The following CCDC63 variants were observed in gnomAD, a reference collection of about 807,000 sequenced individuals.
CCDC63 encodes the protein coiled-coil domain containing 63, also known as coiled-coil domain-containing protein 63.
A neutral mutation model predicts 63.6 loss-of-function variants in CCDC63; 54 were observed. The ratio of observed to expected loss-of-function variants is 0.85; its 90% CI spans 0.68 to 1.07. The LOEUF (loss-of-function observed/expected upper bound fraction) is 1.07. Among genes scored for constraint, CCDC63 ranks in the 50% least tolerant of loss-of-function variants. The probability of loss-of-function intolerance (pLI) is 0.00; values close to 1 mark genes in which losing one functional copy is unlikely to be tolerated. For synonymous variants in CCDC63, 253 were observed against 266.1 expected (o/e 0.95, Z 0.48); for missense variants, 637 against 689.6 (o/e 0.92, Z 0.86).
At chr12:110,883,106 C>T (rs61940992) in intron 7 of CCDC63, among the ~76,000 whole-genome samples, 1,601 of 150,984 alleles carry the variant, frequency 0.011, 12 homozygotes, top group Non-Finnish European at 0.014. Flanking sequence ...GGCGCAATCT[C>T]GGCTCACTGC....
chr12:110,893,229 T>C, intron 9 of CCDC63, 79 bp downstream of exon 9: 2 of 1,197,942 alleles, frequency 1.7e-6, no homozygotes, highest in South Asian at 2.6e-5. Flanking sequence ...TCTGTCTGTC[T>C]GTCCGTCGGG....
chr12:110,869,520 A>C (rs1032630047), intron 4 of CCDC63, among the ~76,000 whole-genome samples: 1 of 152,180 alleles, frequency 6.6e-6, no homozygotes, highest in Non-Finnish European at 1.5e-5. Flanking sequence ...GGGACTTAGC[A>C]TTAGCCGTCT....
At chr12:110,899,226 C>T in intron 10 of CCDC63, 101 bp downstream of exon 10, 1 of 1,098,572 alleles carries the variant, frequency 9.1e-7, no homozygotes, top group Non-Finnish European at 1.3e-6. Flanking sequence ...AGCTTTGTGG[C>T]AAAGTGTGTG....
chr12:110,900,226 A>AAAT (rs1004749940), intron 10 of CCDC63, among the ~76,000 whole-genome samples: 3 of 151,954 alleles, frequency 2.0e-5, no homozygotes, highest in African/African-American at 7.3e-5. Context: ...CAAACCAAAA[A>AAAT]AATAATAATA....
At chr12:110,895,792 CTAT>C (rs1315227053) in intron 9 of CCDC63, among the ~76,000 whole-genome samples, 1 of 152,176 alleles carries the variant, frequency 6.6e-6, no homozygotes. Context: ...TACATTGTAG[CTAT>C]TATTATTGTT....
chr12:110,867,375 A>G (rs2070977199), intron 4 of CCDC63, among the ~76,000 whole-genome samples: 1 of 118,304 alleles, frequency 8.5e-6, no homozygotes, highest in African/African-American at 3.4e-5. Context: ...TCCCTCCCGG[A>G]CAGGGCGGCT....
At chr12:110,856,087 C>CTTTTTTTTT (rs540538418) in intron 3 of CCDC63, among the ~76,000 whole-genome samples, 1 of 130,370 alleles carries the variant, frequency 7.7e-6, no homozygotes. Context: ...TTTTTTTTTT[C>CTTTTTTTTT]TTTTTTTTTT....
chr12:110,875,152 G>C (rs2071114363), intron 5 of CCDC63, among the ~76,000 whole-genome samples: 1 of 152,184 alleles, frequency 6.6e-6, no homozygotes. Flanking sequence ...GGACTGGGCA[G>C]TGTCTTTTTA....
chr12:110,850,612 A>G (rs1399423428), intron 1 of CCDC63, among the ~76,000 whole-genome samples: 1 of 152,152 alleles, frequency 6.6e-6, no homozygotes, highest in African/African-American at 2.4e-5. Context: ...ATGGTGGTGC[A>G]TGCCTGTAAT....
intron 8 of CCDC63, among the ~76,000 whole-genome samples, chr12:110,887,723 T>TA (rs1315362746): frequency 6.6e-6 from 1 of 151,666 alleles, no homozygotes. Context: ...ACTAGCCTCC[T>TA]GAGTTGCTGG....
At chr12:110,854,918 C>T (rs1157487105) in intron 3 of CCDC63, among the ~76,000 whole-genome samples, 1 of 152,144 alleles carries the variant, frequency 6.6e-6, no homozygotes, top group African/African-American at 2.4e-5. Context: ...CCGACCTCAG[C>T]CTTCTGAGTA....
At position 110,874,006 on chromosome 12, in the gene CCDC63, G is replaced by A. The variant is rs765343853; in HGVS notation, c.489+45G>A. On this transcript the variant is annotated intron_variant, in intron 5 of 11. Coordinates refer to ENST00000308208, the MANE Select transcript of CCDC63 (RefSeq NM_152591.3). ...CAGCTCTGCAAACAGCTCTGCCCAC[G>A]TTTGCTCAGAACAAAAATGATGTCT... The A allele has an allele frequency of 5.7e-6, 9 of 1,573,680 alleles. No individual in the cohort carries two copies. The South Asian group carries it at 7.0e-5, about 12-fold the overall frequency.
rs114761668 is a variant in CCDC63, at chr12:110,853,432, G to A, written c.37G>A (p.Asp13Asn). The A allele has an allele frequency of 2.7e-4, 435 of 1,612,748 alleles. 4 individuals are homozygous for A. The East Asian group carries it at 6.0e-3, about 22-fold the overall frequency. The change falls in exon 3 of 12, where the codon GAC (aspartate) becomes AAC (asparagine). Residue 13 changes from aspartate (D) to asparagine (N), a missense_variant. Asp to Asn is a conservative substitution (Grantham distance 23). Coordinates refer to ENST00000308208, the MANE Select transcript of CCDC63 (RefSeq NM_152591.3). ...GAAGAAGAACAGGAGAAAAGACTCC[G>A]ACACTCCCCAGGAACCTTCGGAGAA... is the stretch of plus-strand genomic sequence containing the variant. ...VLKKNRRKDS[D>N]TPQEPSEKAK...
chr12:110,904,205 G>A (rs997048826), intron 10 of CCDC63, among the ~76,000 whole-genome samples: 7 of 151,914 alleles, frequency 4.6e-5, no homozygotes, highest in Non-Finnish European at 8.8e-5. Flanking sequence ...AGCTGGGCAC[G>A]GTGTCATATG....
intron 11 of CCDC63, among the ~76,000 whole-genome samples, chr12:110,906,126 G>T (rs2071576559): frequency 8.3e-6 from 1 of 120,232 alleles, no homozygotes; most frequent in Admixed American, 1.3e-4. Flanking sequence ...GGGACATTTG[G>T]CAATATCTGA....
At chr12:110,874,486 T>C (rs540655354) in intron 5 of CCDC63, among the ~76,000 whole-genome samples, 1 of 152,250 alleles carries the variant, frequency 6.6e-6, no homozygotes, top group East Asian at 1.9e-4. Flanking sequence ...AAGGGGAATG[T>C]GTTAGTCATA....
At chr12:110,896,796 T>A (rs2071420303) in intron 9 of CCDC63, among the ~76,000 whole-genome samples, 1 of 152,202 alleles carries the variant, frequency 6.6e-6, no homozygotes, top group Non-Finnish European at 1.5e-5. Flanking sequence ...TCCCAGGTGA[T>A]ACCAGTGTGA....
chr12:110,868,074 T>C (rs1414363520), intron 4 of CCDC63, among the ~76,000 whole-genome samples: 6 of 139,724 alleles, frequency 4.3e-5, no homozygotes, highest in Non-Finnish European at 6.2e-5. Context: ...CGGGCAGAGG[T>C]GCTCCTCACA....
Position 110,889,708 on chromosome 12 carries a change from C to T in CCDC63, c.1075-3368C>T, listed in dbSNP as rs534611497. On this transcript the variant is annotated intron_variant, in intron 8 of 11. Transcript: ENST00000308208. This position sits in a 1 kb window ranked among gnomAD's most constrained non-coding sequence, Gnocchi z 4.1. ...CATGGGAGATCTCCGAGCAGGGGAG[C>T]GGTGCCATCGACTCAGGTTATTGAT... is the stretch of plus-strand genomic sequence containing the variant. 2.0e-5 allele frequency among the ~76,000 whole-genome samples: 3 copies of T among 152,176 alleles called. No individual in the cohort carries two copies. Among genetic ancestry groups the T allele is most frequent in the South Asian group, 2.1e-4 (1 of 4,810 alleles).
Sources: allele counts gnomAD v4.1 joint callset (sites outside exome capture counted in the v4.1 genomes callset), GRCh38; gene constraint gnomAD v4.1.1; non-coding constraint Gnocchi (gnomAD v3.1); transcripts MANE v1.5; gene names NCBI Gene and HGNC (gene_info 2026-07-23, HGNC 2026-07-21).